LRRC4C: variants seen among roughly 807,000 people sequenced by gnomAD.
The protein encoded by LRRC4C is leucine-rich repeat-containing protein 4C.
In LRRC4C, 5 loss-of-function variants were observed where a neutral mutation model predicts 33.6. The observed-to-expected ratio is 0.15, with a 90% CI of 0.08 to 0.31. LRRC4C has a LOEUF of 0.31. Among genes scored for constraint, LRRC4C ranks in the 10% least tolerant of loss-of-function variants. LRRC4C has a pLI of 1.00. For missense variants in LRRC4C, 560 were observed against 796.7 expected, an observed-to-expected ratio of 0.70 and a Z score of 3.58; for synonymous variants, 329 against 302.0, an observed-to-expected ratio of 1.09 and a Z score of -0.93.
intron 1 of LRRC4C, among the ~76,000 whole-genome samples, chr11:41,409,077 T>C (rs1425024748): frequency 6.6e-6 from 1 of 152,192 alleles, no homozygotes; most frequent in Non-Finnish European, 1.5e-5. Flanking sequence ...CACATGGCCA[T>C]GGTTACCCTC....
chr11:41,077,121 C>T (rs892663612), intron 1 of LRRC4C, among the ~76,000 whole-genome samples: 1 of 152,192 alleles, frequency 6.6e-6, no homozygotes, highest in Non-Finnish European at 1.5e-5. Context: ...AGGGTTCAGT[C>T]CCCATGGCTG....
At chr11:40,884,244 C>G (rs1253306277) in intron 2 of LRRC4C, among the ~76,000 whole-genome samples, 1 of 152,100 alleles carries the variant, frequency 6.6e-6, no homozygotes, top group Admixed American at 6.6e-5. Context: ...GACATGATCT[C>G]ATCCTTTTTT....
At chr11:40,730,808 T>A (rs1386557118) in intron 2 of LRRC4C, among the ~76,000 whole-genome samples, 1 of 152,228 alleles carries the variant, frequency 6.6e-6, no homozygotes, top group Non-Finnish European at 1.5e-5. Context: ...TGTCACAGCC[T>A]CAACTAAAGT....
At chr11:40,713,865 C>T (rs116207772) in intron 2 of LRRC4C, among the ~76,000 whole-genome samples, 63 of 152,272 alleles carry the variant, frequency 4.1e-4, no homozygotes, top group African/African-American at 1.5e-3. Context: ...TGATTTCTAC[C>T]ACCTAGTATG....
At chr11:40,534,009 C>T (rs1028959405) in intron 3 of LRRC4C, among the ~76,000 whole-genome samples, 17 of 152,258 alleles carry the variant, frequency 1.1e-4, no homozygotes, top group South Asian at 8.3e-4. Context: ...TTTTGAGGCA[C>T]ATGTGCTAAT....
chr11:40,568,868 CTT>C (rs1286049853), intron 3 of LRRC4C, among the ~76,000 whole-genome samples: 1 of 151,996 alleles, frequency 6.6e-6, no homozygotes, highest in African/African-American at 2.4e-5. Flanking sequence ...TGGATTTAGA[CTT>C]GAACAAAAAA....
intron 1 of LRRC4C, among the ~76,000 whole-genome samples, chr11:41,204,884 T>C (rs781637293): frequency 5.3e-5 from 8 of 152,114 alleles, no homozygotes; most frequent in Non-Finnish European, 8.8e-5. Context: ...ATTGTAAGGT[T>C]TGACATGTAT....
intron 1 of LRRC4C, among the ~76,000 whole-genome samples, chr11:41,058,132 CAA>C (rs1232434222): frequency 1.3e-5 from 2 of 152,210 alleles, no homozygotes; most frequent in Non-Finnish European, 2.9e-5. Flanking sequence ...ATGCTGTGAG[CAA>C]AGAGAAGGAA....
chr11:41,440,926 A>C (rs1851955413), intron 1 of LRRC4C, among the ~76,000 whole-genome samples: 1 of 152,132 alleles, frequency 6.6e-6, no homozygotes, highest in South Asian at 2.1e-4. Flanking sequence ...TTTCTTTATA[A>C]ATTACCCAAT....
At chr11:40,212,749 T>G (rs1471697855) in intron 5 of LRRC4C, among the ~76,000 whole-genome samples, 1 of 152,108 alleles carries the variant, frequency 6.6e-6, no homozygotes, top group Non-Finnish European at 1.5e-5. Flanking sequence ...GGATGCTAAG[T>G]AACTTGTACA....
chr11:40,457,058 G>A (rs1590799772), intron 3 of LRRC4C, among the ~76,000 whole-genome samples: 1 of 148,072 alleles, frequency 6.8e-6, no homozygotes, highest in East Asian at 2.0e-4. Context: ...ATTTTAAAAG[G>A]TCAACAGCTC....
intron 1 of LRRC4C, among the ~76,000 whole-genome samples, chr11:41,337,702 T>C (rs1477021228): frequency 1.3e-5 from 2 of 152,120 alleles, no homozygotes; most frequent in Non-Finnish European, 2.9e-5. Context: ...CTGATTAAAC[T>C]AAAGAGCTTC....
intron 5 of LRRC4C, among the ~76,000 whole-genome samples, chr11:40,142,277 CAAAAAAAAAAAAAAAA>C (rs10577509): frequency 1.6e-5 from 1 of 60,778 alleles, no homozygotes; most frequent in South Asian, 9.9e-4. Context: ...GATTCTGTCT[CAAAAAAAAAAAAAAAA>C]AAAAAAAAAA....
chr11:41,077,873 C>T (rs993496673), intron 1 of LRRC4C, among the ~76,000 whole-genome samples: 1 of 152,184 alleles, frequency 6.6e-6, no homozygotes, highest in Non-Finnish European at 1.5e-5. Context: ...TTTCAGATTA[C>T]CTCTTTGTGA....
chr11:40,689,096 T>G (rs760515444), intron 2 of LRRC4C, among the ~76,000 whole-genome samples: 3 of 152,104 alleles, frequency 2.0e-5, no homozygotes, highest in Non-Finnish European at 4.4e-5. Flanking sequence ...ACGACAGTGC[T>G]ATGGACTGTA....
At chr11:41,327,277 G>C in intron 1 of LRRC4C, among the ~76,000 whole-genome samples, 1 of 152,128 alleles carries the variant, frequency 6.6e-6, no homozygotes, top group East Asian at 1.9e-4. Context: ...GTCGCCGTCT[G>C]TCAGAGAGCA....
chr11:41,030,683 T>A (rs1045060803), intron 1 of LRRC4C, among the ~76,000 whole-genome samples: 1 of 151,880 alleles, frequency 6.6e-6, no homozygotes, highest in Non-Finnish European at 1.5e-5. Flanking sequence ...CCATCGTGTT[T>A]GATTTCAAGA....
At chr11:40,645,409 G>C (rs184855870) in intron 3 of LRRC4C, among the ~76,000 whole-genome samples, 1 of 151,924 alleles carries the variant, frequency 6.6e-6, no homozygotes, top group South Asian at 2.1e-4. Context: ...GCTGGGTCTC[G>C]GTCAGTGCAA....
Position 40,610,093 on chromosome 11 carries a change from G to A in LRRC4C, c.-270+38049C>T, listed in dbSNP as rs533076409. ...AAAGACACCTCAAGAAAAAACTATA[G>A]CCAAACATCCCTGATGAATCTATGA... On this transcript the variant is annotated intron_variant, in intron 3 of 6. Transcript: ENST00000528697. Among the ~76,000 whole-genome samples the A allele has an allele frequency of 1.0e-3, 154 of 151,738 alleles. 2 individuals are homozygous for A. Among genetic ancestry groups the A allele is most frequent in the Non-Finnish European group, 1.8e-3 (122 of 67,814 alleles).
Sources: gnomAD v4.1 joint callset for allele counts (sites outside exome capture counted in the v4.1 genomes callset) on GRCh38, gnomAD v4.1.1 for gene constraint, MANE v1.5 for transcripts, NCBI Gene and HGNC (gene_info 2026-07-23, HGNC 2026-07-21) for gene names.